Variants in CDH7 observed in about 807,000 individuals in gnomAD.
CDH7 encodes cadherin-7.
A neutral mutation model predicts 71.8 loss-of-function variants in CDH7; 25 were observed. That is an observed-to-expected ratio of 0.35 (90% confidence interval 0.25 to 0.49). The LOEUF (loss-of-function observed/expected upper bound fraction) is 0.49, where lower values mean the gene tolerates loss of function less well. CDH7 is among the 20% of genes least tolerant of loss of function. The pLI, the probability that CDH7 is intolerant of heterozygous loss-of-function variation, is 0.99. For synonymous variants in CDH7, 381 were observed against 363.8 expected (o/e 1.05, Z -0.54); for missense variants, 862 against 974.6 (o/e 0.88, Z 1.54).
At chr18:65,869,271 A>G (rs1416641508) in intron 11 of CDH7, among the ~76,000 whole-genome samples, 2 of 151,388 alleles carry the variant, frequency 1.3e-5, no homozygotes, top group Non-Finnish European at 2.9e-5. Flanking sequence ...ATTCTCTATC[A>G]GAACCAATCC....
chr18:65,815,255 T>G (rs892650782), intron 4 of CDH7, among the ~76,000 whole-genome samples: 1 of 152,166 alleles, frequency 6.6e-6, no homozygotes, highest in Non-Finnish European at 1.5e-5. Flanking sequence ...TTAATTGATA[T>G]TTTAATGTAT....
At chr18:65,759,694 C>G (rs1407101517) in intron 1 of CDH7, among the ~76,000 whole-genome samples, 1 of 152,196 alleles carries the variant, frequency 6.6e-6, no homozygotes, top group East Asian at 1.9e-4. Flanking sequence ...GAGTTCAGCT[C>G]CTTCATTTTG....
intron 10 of CDH7, among the ~76,000 whole-genome samples, chr18:65,862,151 T>C (rs1027074975): frequency 1.3e-5 from 2 of 152,104 alleles, no homozygotes; most frequent in Non-Finnish European, 2.9e-5. Flanking sequence ...AATTTTACGA[T>C]AAAATTCTTC....
intron 1 of CDH7, among the ~76,000 whole-genome samples, chr18:65,756,383 C>T (rs188617854): frequency 3.4e-4 from 52 of 152,246 alleles, no homozygotes; most frequent in Middle Eastern, 3.4e-3. Context: ...CACTGACAGT[C>T]CTCAAATGTC....
chr18:65,864,891 A>G (rs1208260820), intron 11 of CDH7, among the ~76,000 whole-genome samples: 5 of 56,486 alleles, frequency 8.9e-5, no homozygotes, highest in Non-Finnish European at 1.8e-4. Flanking sequence ...ACTCCATCTA[A>G]AAAAAAAAAA....
chr18:65,845,629 A>G (rs1232495055), intron 7 of CDH7, among the ~76,000 whole-genome samples: 1 of 152,126 alleles, frequency 6.6e-6, no homozygotes, highest in Non-Finnish European at 1.5e-5. Context: ...ACTGGCATAG[A>G]TTAGCTACTT....
rs945815591 is a variant in CDH7, at chr18:65,889,803, A to G, written c.*8909A>G. 3 of 152,220 alleles carry G rather than the reference A, an allele frequency of 2.0e-5. No individual in the cohort carries two copies. The highest frequency in any genetic ancestry group is 4.4e-5 in the Non-Finnish European group (3 of 68,044). 9.4% of individuals were successfully genotyped at this position (152,220 alleles called of 1,614,324 possible). ...AAAAATAGAATGCAATAAATTAGCTAGTCTGCCACATAGAGAAAAAAAGAT... is the reference window on the plus strand; with the variant it reads ...AAAAATAGAATGCAATAAATTAGCTGGTCTGCCACATAGAGAAAAAAAGAT... On this transcript the variant is annotated 3_prime_UTR_variant, in exon 12 of 12. Transcript: ENST00000397968.
rs1913864131 is a variant in CDH7 at position 65,869,544 on chromosome 18, A to ATT, written c.1864+6627_1864+6628insTT. Among the ~76,000 whole-genome samples the ATT allele has an allele frequency of 8.1e-5, 6 of 73,734 alleles. 1 individual carries two copies. The South Asian group carries it at 2.0e-3, about 24-fold the overall frequency. 48.4% of individuals were successfully genotyped at this position (73,734 alleles called of 152,430 possible). ...TCTTCCCATAATCTACAAGTGGGTC[A>ATT]ATTTTTTTTTTTTTTTTTTTTTTTT... On this transcript the variant is annotated intron_variant, in intron 11 of 11. Transcript: ENST00000397968.
chr18:65,846,234 C>T (rs1487002433), intron 7 of CDH7, among the ~76,000 whole-genome samples: 1 of 151,968 alleles, frequency 6.6e-6, no homozygotes. Flanking sequence ...CTCTGAAGCA[C>T]AGAGGTCAAA....
At chr18:65,763,592 GGGGTGTGTGTGTGTGTGT>G (rs1289756386) in intron 2 of CDH7, among the ~76,000 whole-genome samples, 8 of 131,038 alleles carry the variant, frequency 6.1e-5, no homozygotes, top group Non-Finnish European at 1.0e-4. Flanking sequence ...TTTTGATAGG[GGGGTGTGTGTGTGTGTGT>G]GTGTGTGTGT....
intron 11 of CDH7, among the ~76,000 whole-genome samples, chr18:65,870,747 A>G (rs1187184593): frequency 1.3e-5 from 2 of 152,174 alleles, no homozygotes; most frequent in Non-Finnish European, 2.9e-5. Context: ...GGAGTGTCCT[A>G]AGCACCATTA....
intron 11 of CDH7, among the ~76,000 whole-genome samples, chr18:65,871,674 A>G (rs1051190184): frequency 1.3e-5 from 2 of 152,216 alleles, no homozygotes; most frequent in Admixed American, 1.3e-4. Context: ...AAATCAGAGG[A>G]ACGTTAATGA....
chr18:65,864,766 C>T (rs913745812), intron 11 of CDH7, among the ~76,000 whole-genome samples: 4 of 151,616 alleles, frequency 2.6e-5, no homozygotes, highest in Non-Finnish European at 4.4e-5. Flanking sequence ...TGGCGGGCGC[C>T]TGTAGTCCCA....
intron 1 of CDH7, among the ~76,000 whole-genome samples, chr18:65,759,625 A>C (rs1916135039): frequency 6.6e-6 from 1 of 152,178 alleles, no homozygotes; most frequent in Non-Finnish European, 1.5e-5. Flanking sequence ...AATTTTATAT[A>C]ATTGTCAAAA....
intron 6 of CDH7, among the ~76,000 whole-genome samples, chr18:65,827,125 T>C (rs1912160908): frequency 6.6e-6 from 1 of 151,800 alleles, no homozygotes; most frequent in East Asian, 1.9e-4. Context: ...GTTAGCTAAA[T>C]ATTTTAACAA....
chr18:65,777,670 C>G (rs1260966759), intron 2 of CDH7, among the ~76,000 whole-genome samples: 2 of 152,106 alleles, frequency 1.3e-5, no homozygotes, highest in Non-Finnish European at 2.9e-5. Flanking sequence ...TCCTCCCACC[C>G]ACCACCAGAG....
intron 2 of CDH7, among the ~76,000 whole-genome samples, chr18:65,769,539 AT>A (rs1185064184): frequency 3.3e-5 from 5 of 152,220 alleles, no homozygotes; most frequent in African/African-American, 9.7e-5. Flanking sequence ...AAGCTAGGAA[AT>A]TAACATTGGT....
chr18:65,806,170 T>G (rs982157073), intron 2 of CDH7, among the ~76,000 whole-genome samples: 17 of 152,270 alleles, frequency 1.1e-4, no homozygotes, highest in African/African-American at 4.1e-4. Context: ...TATTAATACA[T>G]GATGCTGACA....
chr18:65,851,010 C>CCT, intron 7 of CDH7, among the ~76,000 whole-genome samples: 1 of 152,042 alleles, frequency 6.6e-6, no homozygotes, highest in African/African-American at 2.4e-5. Context: ...TGCCATGTTG[C>CCT]CTAGGCTGGT....
Sources: allele counts gnomAD v4.1 joint callset (sites outside exome capture counted in the v4.1 genomes callset), GRCh38; gene constraint gnomAD v4.1.1; transcripts MANE v1.5; gene names NCBI Gene and HGNC (gene_info 2026-07-23, HGNC 2026-07-21).